SEM1: variants seen among roughly 807,000 people sequenced by gnomAD.
SEM1 encodes the protein 26S proteasome complex subunit SEM1.
Under a neutral mutation model 12.7 loss-of-function variants are expected in SEM1, and 3 were observed. That is an observed-to-expected ratio of 0.24 (90% confidence interval 0.11 to 0.61). SEM1 has a LOEUF of 0.61. Among genes scored for constraint, SEM1 ranks in the 20% least tolerant of loss-of-function variants. SEM1 has a pLI of 0.88. For missense variants in SEM1, 59 were observed against 81.3 expected (o/e 0.73, Z 1.06); for synonymous variants, 30 against 27.8 (o/e 1.08, Z -0.25).
intron 2 of SEM1, among the ~76,000 whole-genome samples, chr7:96,591,310 A>C (rs10953189): frequency 0.31 from 47,178 of 152,010 alleles, 7,356 homozygotes; most frequent in Middle Eastern, 0.32. Context: ...ATAATAAAAG[A>C]CTTTCGGTTA....
In SEM1 at chr7:96,584,959, C is replaced by A. The variant is rs1806560463; in HGVS notation, c.171-78261G>T. On this transcript the variant is annotated intron_variant and NMD_transcript_variant, in intron 2 of 3. Coordinates refer to the SEM1 transcript ENST00000466986. The stretch of plus-strand genomic sequence containing the variant: ...TAATTTGATCGTCTGAAGCCTTCTT[C>A]TCTCAGCTCGTCAAAGTCATTCTCC... Among the ~76,000 whole-genome samples, 4 of 151,420 alleles carry A rather than the reference C, an allele frequency of 2.6e-5. No individual in the cohort carries two copies. The South Asian group carries it at 8.3e-4, about 32-fold the overall frequency.
At chr7:96,525,376 TGA>T (rs1181418746) in intron 2 of SEM1, among the ~76,000 whole-genome samples, 5 of 152,058 alleles carry the variant, frequency 3.3e-5, no homozygotes, top group African/African-American at 1.2e-4. Flanking sequence ...CAAGTGATCC[TGA>T]GGCATTTGCG....
chr7:96,679,785 T>C (rs1293004572), intron 2 of SEM1, among the ~76,000 whole-genome samples: 1 of 152,176 alleles, frequency 6.6e-6, no homozygotes, highest in Non-Finnish European at 1.5e-5. Context: ...TGTTTCCTAA[T>C]CTATGCTGAT....
At chr7:96,573,667 A>G (rs1224151001) in intron 2 of SEM1, among the ~76,000 whole-genome samples, 2 of 152,072 alleles carry the variant, frequency 1.3e-5, no homozygotes, top group African/African-American at 4.8e-5. Flanking sequence ...CTTTGTGGGT[A>G]ATCCGACCTT....
chr7:96,485,666 C>T (rs939422503), intron 2 of SEM1, among the ~76,000 whole-genome samples: 1 of 150,794 alleles, frequency 6.6e-6, no homozygotes, highest in African/African-American at 2.4e-5. Flanking sequence ...CCTCAGCCTC[C>T]CAAGTAGCTG....
chr7:96,483,553 G>A, exon 4 of SEM1: 1 of 373,298 alleles, frequency 2.7e-6, no homozygotes. Flanking sequence ...ATCAGCTACA[G>A]ACTCTACTGG....
intron 2 of SEM1, among the ~76,000 whole-genome samples, chr7:96,553,169 C>A (rs910098377): frequency 6.6e-6 from 1 of 150,870 alleles, no homozygotes; most frequent in Non-Finnish European, 1.5e-5. Flanking sequence ...ATGGTAGTTT[C>A]TTTTGCTGTG....
chr7:96,666,978 A>T (rs1213815885), intron 2 of SEM1, among the ~76,000 whole-genome samples: 1 of 152,198 alleles, frequency 6.6e-6, no homozygotes, highest in Non-Finnish European at 1.5e-5. Flanking sequence ...TACTTCTGCC[A>T]AGTAAAAGCA....
intron 2 of SEM1, among the ~76,000 whole-genome samples, chr7:96,662,629 A>G (rs1304321688): frequency 3.9e-5 from 6 of 152,200 alleles, no homozygotes; most frequent in Non-Finnish European, 8.8e-5. Context: ...TGGCACATGT[A>G]TATCTACATA....
At chr7:96,501,326 C>T (rs10953178), upstream of SEM1, among the ~76,000 whole-genome samples, 73,517 of 151,908 alleles carry the variant, frequency 0.48, 18,620 homozygotes, top group East Asian at 0.69. Flanking sequence ...TTCTCACTGA[C>T]CTTTAGTAAT....
intron 2 of SEM1, among the ~76,000 whole-genome samples, chr7:96,680,747 T>C (rs1789587148): frequency 6.6e-6 from 1 of 152,090 alleles, no homozygotes; most frequent in South Asian, 2.1e-4. Context: ...AAAACTACGG[T>C]TAATATAAAA....
chr7:96,526,568 A>G (rs1336226787), intron 2 of SEM1, among the ~76,000 whole-genome samples: 2 of 152,128 alleles, frequency 1.3e-5, no homozygotes, highest in African/African-American at 4.8e-5. Flanking sequence ...TCCTAGGAAA[A>G]GGCAGGGAAA....
At chr7:96,698,635 C>T (rs1790172381) in intron 1 of SEM1, among the ~76,000 whole-genome samples, 2 of 152,122 alleles carry the variant, frequency 1.3e-5, no homozygotes, top group Non-Finnish European at 2.9e-5. Context: ...ACAGCGTATA[C>T]GTGCCACCTT....
At chr7:96,530,484 T>A (rs781601455) in intron 2 of SEM1, among the ~76,000 whole-genome samples, 1 of 152,006 alleles carries the variant, frequency 6.6e-6, no homozygotes, top group Non-Finnish European at 1.5e-5. Flanking sequence ...CCAGAGAACA[T>A]GAGAAGCACA....
downstream of SEM1, among the ~76,000 whole-genome samples, chr7:96,618,959 A>G (rs78629547): frequency 0.04 from 6,045 of 152,268 alleles, 142 homozygotes; most frequent in Admixed American, 0.058. Flanking sequence ...TTAAAAAAAC[A>G]AACTATCTAT....
chr7:96,518,658 C>T (rs190895192), intron 2 of SEM1, among the ~76,000 whole-genome samples: 1 of 152,238 alleles, frequency 6.6e-6, no homozygotes, highest in Non-Finnish European at 1.5e-5. Flanking sequence ...AAGCAGACTG[C>T]CTTACTGAGA....
At chr7:96,521,244 G>A (rs1054307974) in intron 2 of SEM1, among the ~76,000 whole-genome samples, 5 of 152,016 alleles carry the variant, frequency 3.3e-5, no homozygotes, top group Non-Finnish European at 7.4e-5. Context: ...GCTTAAACCC[G>A]GAGCAGACAT....
intron 2 of SEM1, among the ~76,000 whole-genome samples, chr7:96,544,758 A>T (rs1305965700): frequency 2.0e-5 from 3 of 152,030 alleles, no homozygotes; most frequent in East Asian, 3.9e-4. Flanking sequence ...CCTACAATAA[A>T]CTAAGCTAGA....
At chr7:96,525,670 C>A (rs918502361) in intron 2 of SEM1, among the ~76,000 whole-genome samples, 2 of 152,066 alleles carry the variant, frequency 1.3e-5, no homozygotes, top group African/African-American at 4.8e-5. Context: ...GGGGTCTCCA[C>A]CCCTGGCCCC....
Sources: allele counts gnomAD v4.1 joint callset (sites outside exome capture counted in the v4.1 genomes callset), GRCh38; gene constraint gnomAD v4.1.1; transcripts MANE v1.5; gene names NCBI Gene and HGNC (gene_info 2026-07-23, HGNC 2026-07-21).